CCL26: variants seen among roughly 807,000 people sequenced by gnomAD.
CCL26 encodes the protein C-C motif chemokine ligand 26.
Under a neutral mutation model 10.7 loss-of-function variants are expected in CCL26, and 10 were observed. That is an observed-to-expected ratio of 0.93 (90% CI 0.57 to 1.58). The LOEUF (loss-of-function observed/expected upper bound fraction) is 1.58. Among genes scored for constraint, CCL26 ranks in the 40% most tolerant of loss-of-function variants. The probability of loss-of-function intolerance (pLI) is 0.00; values close to 1 mark genes in which losing one functional copy is unlikely to be tolerated. For missense variants in CCL26, 116 were observed against 111.0 expected (o/e 1.05, Z -0.20); for synonymous variants, 43 against 41.4 (o/e 1.04, Z -0.15).
rs1803238460 is a variant in CCL26, at chr7:75,787,927, C to T, written c.-79+1790G>A. Among the ~76,000 whole-genome samples the T allele has an allele frequency of 2.0e-5, 3 of 152,062 alleles. No homozygotes were observed. The South Asian group carries it at 6.2e-4, about 32-fold the overall frequency. On this transcript the variant is annotated intron_variant, in intron 1 of 3. Coordinates refer to the CCL26 transcript ENST00000394905. Reference sequence around the variant, plus strand: ...GAACGGCATCCGGGCCTTCACCAATCGTTTTATATGACAAATGCTCTTTTT... The same window carrying T: ...GAACGGCATCCGGGCCTTCACCAATTGTTTTATATGACAAATGCTCTTTTT...
chr7:75,787,341 T>C (rs546729072), intron 1 of CCL26, among the ~76,000 whole-genome samples: 1 of 152,056 alleles, frequency 6.6e-6, no homozygotes, highest in South Asian at 2.1e-4. Flanking sequence ...GGACTAATGG[T>C]TTTTTAAAGA....
intron 1 of CCL26, among the ~76,000 whole-genome samples, chr7:75,778,715 T>C (rs1382818261): frequency 1.3e-5 from 2 of 151,614 alleles, no homozygotes; most frequent in Admixed American, 6.6e-5. Context: ...CAACCTCTGC[T>C]TCCCAGGCTC....
Position 75,787,794 on chromosome 7 carries a change from C to T in CCL26, c.-79+1923G>A, listed in dbSNP as rs1330588370. 2.6e-5 allele frequency among the ~76,000 whole-genome samples: 4 copies of T among 151,896 alleles called. No individual in the cohort carries two copies. In the East Asian group the frequency reaches 7.8e-4, roughly 29 times the overall value. ...ATTACACTAAACCCCCTTGGACACT[C>T]TCTAATTGGATGTCCTGGGTCCTCC... is the stretch of plus-strand genomic sequence containing the variant. On this transcript the variant is annotated intron_variant, in intron 1 of 3. Transcript: ENST00000394905.
chr7:75,787,820 C>A (rs1168572592), intron 1 of CCL26, among the ~76,000 whole-genome samples: 1 of 152,022 alleles, frequency 6.6e-6, no homozygotes, highest in Non-Finnish European at 1.5e-5. Flanking sequence ...TGGGTCCTCC[C>A]AATTCTTAGT....
At chr7:75,779,102 C>A (rs540449952) in intron 1 of CCL26, among the ~76,000 whole-genome samples, 4 of 152,098 alleles carry the variant, frequency 2.6e-5, no homozygotes, top group Non-Finnish European at 5.9e-5. Flanking sequence ...CCACTGAGCA[C>A]CTTGTGTCCC....
chr7:75,770,825 G>C (rs11465342), intron 2 of CCL26, among the ~76,000 whole-genome samples: 1,765 of 152,206 alleles, frequency 0.012, 38 homozygotes, highest in African/African-American at 0.04. Context: ...ACAGGCCTGC[G>C]CCACCTCACC....
At chr7:75,781,266 G>T (rs1554529428) in intron 1 of CCL26, among the ~76,000 whole-genome samples, 1 of 152,224 alleles carries the variant, frequency 6.6e-6, no homozygotes, top group Admixed American at 6.5e-5. Context: ...CAATAATAGA[G>T]TAGAGGCAGC....
chr7:75,782,267 C>T (rs887278652), intron 1 of CCL26, among the ~76,000 whole-genome samples: 8 of 151,784 alleles, frequency 5.3e-5, no homozygotes, highest in South Asian at 2.1e-4. Context: ...GTCACGGACT[C>T]GGGAAGGCAG....
At chr7:75,786,980 T>C (rs1018504539) in intron 1 of CCL26, among the ~76,000 whole-genome samples, 2 of 152,190 alleles carry the variant, frequency 1.3e-5, no homozygotes, top group Admixed American at 6.6e-5. Flanking sequence ...TCCTCAGGGA[T>C]TGTTCAGGCC....
intron 1 of CCL26, among the ~76,000 whole-genome samples, chr7:75,788,386 A>G (rs1803249722): frequency 6.6e-6 from 1 of 152,100 alleles, no homozygotes; most frequent in African/African-American, 2.4e-5. Flanking sequence ...CCGCCAGAGA[A>G]CAACCCCTTT....
chr7:75,775,771 C>T (rs1802923403), upstream of CCL26, among the ~76,000 whole-genome samples: 6 of 152,146 alleles, frequency 3.9e-5, no homozygotes, highest in Admixed American at 3.9e-4. Context: ...AGTTACCTGA[C>T]AGTATCCGCT....
At chr7:75,782,212 A>G (rs1490297510) in intron 1 of CCL26, among the ~76,000 whole-genome samples, 2 of 152,070 alleles carry the variant, frequency 1.3e-5, no homozygotes, top group Non-Finnish European at 2.9e-5. Flanking sequence ...TCTGGTACAG[A>G]CAAAGGAGAC....
chr7:75,783,596 G>A (rs112721570), intron 1 of CCL26, among the ~76,000 whole-genome samples: 2 of 151,906 alleles, frequency 1.3e-5, no homozygotes, highest in African/African-American at 4.8e-5. Context: ...TCAGGAGATC[G>A]AGACTACGGT....
chr7:75,779,488 C>G (rs1398137444), intron 1 of CCL26, among the ~76,000 whole-genome samples: 1 of 152,194 alleles, frequency 6.6e-6, no homozygotes, highest in Admixed American at 6.5e-5. Flanking sequence ...CTTCTCCAAT[C>G]TCTCTCACTA....
At chr7:75,782,525 C>T (rs1391374703) in intron 1 of CCL26, among the ~76,000 whole-genome samples, 1 of 152,024 alleles carries the variant, frequency 6.6e-6, no homozygotes, top group Non-Finnish European at 1.5e-5. Context: ...GGCAACTTTC[C>T]ACCCTCCATT....
chr7:75,772,673 CA>C (rs1802854707), upstream of CCL26, among the ~76,000 whole-genome samples: 1 of 147,162 alleles, frequency 6.8e-6, no homozygotes, highest in African/African-American at 2.5e-5. Flanking sequence ...AAAAAACAAA[CA>C]AACAAACAAC....
chr7:75,791,241 G>T (rs2115713684), upstream of CCL26, among the ~76,000 whole-genome samples: 1 of 152,096 alleles, frequency 6.6e-6, no homozygotes, highest in African/African-American at 2.4e-5. Flanking sequence ...TGGCCAGGCT[G>T]GTCTCAAACT....
At chr7:75,790,178 C>CCTTTCTTTCTTTCTTTCTTTCTTTCTTT (rs782115911), upstream of CCL26, among the ~76,000 whole-genome samples, 2 of 44,346 alleles carry the variant, frequency 4.5e-5, 1 homozygote, top group East Asian at 1.2e-3. Flanking sequence ...TTCCTTCCTT[C>CCTTTCTTTCTTTCTTTCTTTCTTTCTTT]CTTTCTTTCT....
upstream of CCL26, among the ~76,000 whole-genome samples, chr7:75,775,885 C>G (rs1802926578): frequency 6.6e-6 from 1 of 151,848 alleles, no homozygotes; most frequent in East Asian, 1.9e-4. Context: ...GTCACCCAGG[C>G]TGGAGTGCAG....
Sources: gnomAD v4.1 joint callset for allele counts (sites outside exome capture counted in the v4.1 genomes callset) on GRCh38, gnomAD v4.1.1 for gene constraint, MANE v1.5 for transcripts, NCBI Gene and HGNC (gene_info 2026-07-23, HGNC 2026-07-21) for gene names.